MAP3K4: variants seen among roughly 807,000 people sequenced by gnomAD.
MAP3K4 encodes the protein mitogen-activated protein kinase kinase kinase 4, also known as MAP three kinase 1.
MAP3K4 carries 67 observed loss-of-function variants against 185.6 expected under a neutral mutation model. The ratio of observed to expected loss-of-function variants is 0.36; its 90% CI spans 0.30 to 0.44. The LOEUF is 0.44. MAP3K4 is among the 20% of genes least tolerant of loss of function. The probability of loss-of-function intolerance (pLI) is 1.00; values close to 1 mark genes in which losing one functional copy is unlikely to be tolerated. For synonymous variants in MAP3K4, 702 were observed against 710.4 expected (o/e 0.99, Z 0.19); for missense variants, 1,551 against 1,995.1 (o/e 0.78, Z 4.24).
In MAP3K4 at chr6:161,112,559, C is replaced by A. The variant is rs2114921962; in HGVS notation, c.4520-109C>A. 3 of 684,006 alleles carry A rather than the reference C, an allele frequency of 4.4e-6. No individual in the cohort carries two copies. The highest frequency in any genetic ancestry group is 6.6e-6 in the Non-Finnish European group (3 of 453,078). The allele number at this position is 684,006 out of a possible 1,614,324, so 42.4% of individuals were successfully genotyped here. On this transcript the variant is annotated intron_variant, in intron 24 of 26. Coordinates refer to ENST00000392142, the MANE Select transcript of MAP3K4 (RefSeq NM_005922.4). The surrounding 1 kb of genome is among the most constrained non-coding windows in gnomAD (Gnocchi z 5.1). ...GTAAATTTTTGATATTTCCCATTAC[C>A]TAATGCAGGAAGATAATATTGTACA...
At chr6:161,065,724 A>G (rs1784675924) in intron 3 of MAP3K4, among the ~76,000 whole-genome samples, 1 of 152,086 alleles carries the variant, frequency 6.6e-6, no homozygotes, top group Non-Finnish European at 1.5e-5. Context: ...GGATCATGAG[A>G]TCAGGAGATC....
rs554911299 is a variant in MAP3K4, at chr6:161,017,119, G to T, written c.153-17140G>T. Among the ~76,000 whole-genome samples the T allele has an allele frequency of 1.3e-5, 2 of 152,020 alleles. No individual in the cohort carries two copies. Among genetic ancestry groups the T allele is most frequent in the African/African-American group, 4.8e-5 (2 of 41,448 alleles). On this transcript the variant is annotated intron_variant, in intron 1 of 26. Transcript: ENST00000392142. This position sits in a 1 kb window ranked among gnomAD's most constrained non-coding sequence, Gnocchi z 5.1. ...TTAGAAGCGAAAAAAGAACAACAAA[G>T]GCCTTAGTTTAACCAACATTATATT...
At chr6:161,016,793 G>C (rs1489499799) in intron 1 of MAP3K4, among the ~76,000 whole-genome samples, 1 of 152,174 alleles carries the variant, frequency 6.6e-6, no homozygotes, top group Non-Finnish European at 1.5e-5. Flanking sequence ...TCTTTTCCAG[G>C]ATTGTTTTGG....
At chr6:161,000,404 C>T (rs888435190) in intron 1 of MAP3K4, among the ~76,000 whole-genome samples, 2 of 152,092 alleles carry the variant, frequency 1.3e-5, no homozygotes, top group South Asian at 2.1e-4. Context: ...TGAAGAAGCT[C>T]GGCAATACTT....
intron 1 of MAP3K4, among the ~76,000 whole-genome samples, chr6:161,029,249 G>T (rs1408628745): frequency 2.6e-5 from 4 of 151,376 alleles, no homozygotes; most frequent in African/African-American, 7.3e-5. Flanking sequence ...TTTGGCGGGG[G>T]TGGTGTTGGG....
chr6:161,086,923 ACAC>A lies in MAP3K4; in HGVS notation c.2556+257_2556+259del, dbSNP rs1785748463. 6.6e-6 allele frequency among the ~76,000 whole-genome samples: 1 copy of A among 152,238 alleles called. No homozygotes were observed. Among genetic ancestry groups the A allele is most frequent in the African/African-American group, 2.4e-5 (1 of 41,470 alleles). The stretch of plus-strand genomic sequence containing the variant: ...ACTCATGCTGTTTATTAATTTAGTT[ACAC>A]ATATTTAAAATAATGTGTATAAGGA... On this transcript the variant is annotated intron_variant, in intron 9 of 26. Transcript: ENST00000392142. This position sits in a 1 kb window ranked among gnomAD's most constrained non-coding sequence, Gnocchi z 4.8.
chr6:161,009,550 T>C (rs777856153), intron 1 of MAP3K4, among the ~76,000 whole-genome samples: 2 of 152,200 alleles, frequency 1.3e-5, no homozygotes, highest in Non-Finnish European at 2.9e-5. Flanking sequence ...GGTTCATCCA[T>C]GTTACGGGGT....
intron 15 of MAP3K4, among the ~76,000 whole-genome samples, chr6:161,094,375 ATTAC>A (rs1203173968): frequency 2.0e-5 from 3 of 152,226 alleles, no homozygotes; most frequent in Non-Finnish European, 4.4e-5. Flanking sequence ...TGCTATATAT[ATTAC>A]TTCAATTACA....
chr6:161,000,101 A>G (rs547066502), intron 1 of MAP3K4, among the ~76,000 whole-genome samples: 56 of 152,210 alleles, frequency 3.7e-4, no homozygotes, highest in Non-Finnish European at 7.6e-4. Flanking sequence ...AGTAAGAAAT[A>G]TATTTTATGA....
Position 161,101,066 on chromosome 6 carries a change from T to G in MAP3K4, c.3675-826T>G, listed in dbSNP as rs926662641. ...ACCATACTTCATTATACCATTCACT[T>G]AAAAATATATACTAAATGACTTTAA... On this transcript the variant is annotated intron_variant, in intron 17 of 26. Coordinates refer to ENST00000392142, the MANE Select transcript of MAP3K4 (RefSeq NM_005922.4). This position sits in a 1 kb window ranked among gnomAD's most constrained non-coding sequence, Gnocchi z 5.1. 2.6e-5 allele frequency: 4 copies of G among 152,232 alleles called. No homozygotes were observed. Among genetic ancestry groups the G allele is most frequent in the Admixed American group, 1.3e-4 (2 of 15,286 alleles). The allele number at this position is 152,232 out of a possible 1,614,324, so 9.4% of individuals were successfully genotyped here. A position where few individuals can be genotyped will look rare whatever the true frequency, so the allele number is the denominator to read the frequency against.
At chr6:161,113,591 A>G (rs1046063616) in intron 25 of MAP3K4, among the ~76,000 whole-genome samples, 7 of 152,128 alleles carry the variant, frequency 4.6e-5, no homozygotes, top group African/African-American at 1.7e-4. Flanking sequence ...CGCGAACTAC[A>G]CATAGTAGAG....
rs752119986 is a variant in MAP3K4 at position 161,087,904 on chromosome 6, G to A, written c.2773G>A (p.Val925Ile). Residue 925 changes from valine to isoleucine, a missense_variant, in exon 10 of 27, where the codon GTC (valine) becomes ATC (isoleucine). Physicochemically the swap from Val to Ile is conservative, Grantham distance 29. Around this residue, in one of 16 missense-constraint regions of MAP3K4, gnomAD observed 261 missense variants for 306.5 expected, o/e 0.85. Transcript: ENST00000392142. This position sits in a 1 kb window ranked among gnomAD's most constrained non-coding sequence, Gnocchi z 4.9. ...DSWGTWEAQP[V>I]KVVPQVETVD... Reference sequence around the variant, plus strand: ...CTGGGGCACCTGGGAGGCACAGCCTGTCAAAGTCGTGCCTCAGGTGGAGAC... The same window carrying A: ...CTGGGGCACCTGGGAGGCACAGCCTATCAAAGTCGTGCCTCAGGTGGAGAC... 3 of 1,614,100 alleles carry A rather than the reference G, an allele frequency of 1.9e-6. No individual in the cohort carries two copies. The highest frequency in any genetic ancestry group is 1.7e-6 in the Non-Finnish European group (2 of 1,180,010).
chr6:161,102,316 G>A (rs927025646), intron 18 of MAP3K4, among the ~76,000 whole-genome samples: 1 of 152,178 alleles, frequency 6.6e-6, no homozygotes, highest in East Asian at 1.9e-4. Flanking sequence ...CACTGTGTTT[G>A]TTGATCGTAT....
In MAP3K4 at chr6:161,080,356, A is replaced by G. The variant is rs1226302326; in HGVS notation, c.2098-525A>G. 1.3e-5 allele frequency among the ~76,000 whole-genome samples: 2 copies of G among 152,230 alleles called. No homozygotes were observed. Among genetic ancestry groups the G allele is most frequent in the African/African-American group, 4.8e-5 (2 of 41,460 alleles). On this transcript the variant is annotated intron_variant, in intron 5 of 26. Transcript: ENST00000392142. The surrounding 1 kb of genome is among the most constrained non-coding windows in gnomAD (Gnocchi z 4.8). ...TGGTGGGCATAAATCCCACTTCAGA[A>G]CAACTGGATATTTTGGTTTTAGATC... is the stretch of plus-strand genomic sequence containing the variant.
rs1048299724 is a variant in MAP3K4, at chr6:161,051,102, A to G, written c.1707+1123A>G. 2.0e-4 allele frequency among the ~76,000 whole-genome samples: 31 copies of G among 152,268 alleles called. No individual in the cohort carries two copies. The highest frequency in any genetic ancestry group is 7.0e-4 in the African/African-American group (29 of 41,470). On this transcript the variant is annotated intron_variant, in intron 3 of 26. Transcript: ENST00000392142. This position sits in a 1 kb window ranked among gnomAD's most constrained non-coding sequence, Gnocchi z 4.2. ...ACTGTATAGTTTGGGGAATAATGGC[A>G]AGAAAAAAGTTTGTACATGTTTAAT...
chr6:161,009,445 T>G (rs993024491), intron 1 of MAP3K4, among the ~76,000 whole-genome samples: 1 of 152,246 alleles, frequency 6.6e-6, no homozygotes, highest in African/African-American at 2.4e-5. Context: ...TGTTACAGTT[T>G]CATGAATTTA....
At position 161,077,150 on chromosome 6, in the gene MAP3K4, T is replaced by TTTTAA. The variant is rs1170249808; in HGVS notation, c.2097+3538_2097+3539insTTTAA. ...TAATAAGAGATTGTTTTAAAAAGCG[T>TTTTAA]ATAGACTAGAAGGAAATGTGCTCAG... is the stretch of plus-strand genomic sequence containing the variant. On this transcript the variant is annotated intron_variant, in intron 5 of 26. Coordinates refer to ENST00000392142, the MANE Select transcript of MAP3K4 (RefSeq NM_005922.4). The surrounding 1 kb of genome is among the most constrained non-coding windows in gnomAD (Gnocchi z 4.3). 7.4e-4 allele frequency among the ~76,000 whole-genome samples: 113 copies of TTTTAA among 152,170 alleles called. No individual in the cohort carries two copies. The highest frequency in any genetic ancestry group is 2.6e-3 in the African/African-American group (109 of 41,506).
Position 161,107,831 on chromosome 6 carries a change from C to A in MAP3K4, c.4049-68C>A. On this transcript the variant is annotated intron_variant, in intron 20 of 26. Coordinates refer to ENST00000392142, the MANE Select transcript of MAP3K4 (RefSeq NM_005922.4). The surrounding 1 kb of genome is among the most constrained non-coding windows in gnomAD (Gnocchi z 6.2). ...CCAAAATAATTGGACAGTATTATTA[C>A]AAGTTTAAGGAATGTAAGACAGCCC... 1 of 1,018,576 alleles carries A rather than the reference C, an allele frequency of 9.8e-7. No homozygotes were observed. Among genetic ancestry groups the A allele is most frequent in the Non-Finnish European group, 1.5e-6 (1 of 651,880 alleles). 63.1% of individuals were successfully genotyped at this position (1,018,576 alleles called of 1,614,324 possible).
In MAP3K4 at chr6:161,109,942, G is replaced by A; in HGVS notation, c.4396+28G>A. The stretch of plus-strand genomic sequence containing the variant: ...AATCCCACACCCGCCTGGCTGCTGT[G>A]GGCCAGAGCCACTGGTACCCAGCCC... On this transcript the variant is annotated intron_variant, in intron 23 of 26. Transcript: ENST00000392142. This position sits in a 1 kb window ranked among gnomAD's most constrained non-coding sequence, Gnocchi z 5.7. 3 of 1,611,362 alleles carry A rather than the reference G, an allele frequency of 1.9e-6. No homozygotes were observed. Among genetic ancestry groups the A allele is most frequent in the Non-Finnish European group, 2.5e-6 (3 of 1,178,756 alleles).
Sources: gnomAD v4.1 joint callset for allele counts (sites outside exome capture counted in the v4.1 genomes callset) on GRCh38, gnomAD v4.1.1 for gene constraint, gnomAD v4.1.1 regional missense constraint, Gnocchi (gnomAD v3.1) non-coding constraint, MANE v1.5 for transcripts, NCBI Gene and HGNC (gene_info 2026-07-23, HGNC 2026-07-21) for gene names.